Variants in DYNC2H1 observed in about 807,000 individuals in gnomAD.
DYNC2H1 encodes the protein dynein cytoplasmic 2 heavy chain 1, also known as cytoplasmic dynein 2 heavy chain 1.
In DYNC2H1, 410 loss-of-function variants were observed where a neutral mutation model predicts 570.0. The ratio of observed to expected loss-of-function variants is 0.72; its 90% CI spans 0.66 to 0.78. DYNC2H1 has a LOEUF of 0.78. DYNC2H1 is among the 30% of genes least tolerant of loss of function. The pLI is 0.00. For missense variants in DYNC2H1, 4,865 were observed against 5,046.4 expected (o/e 0.96, Z 1.09); for synonymous variants, 1,688 against 1,677.6 (o/e 1.01, Z -0.15).
rs71465387 is a variant in DYNC2H1 at position 103,125,366 on chromosome 11, C to CTT, written c.1857+89_1857+90dup. The CTT allele has an allele frequency of 4.4e-3, 2,420 of 551,792 alleles. 2 individuals carry two copies. The highest frequency in any genetic ancestry group is 6.9e-3 in the South Asian group (206 of 30,020). The allele number at this position is 551,792 out of a possible 1,614,324, so 34.2% of individuals were successfully genotyped here. On this transcript the variant is annotated intron_variant, in intron 12 of 88. Transcript: ENST00000375735. ...ACGTTAAACTAGAATATGCTAAAGG[C>CTT]TTTTTTTTTTTTTTTTTTTAGGCTC...
rs1944166802 is a variant in DYNC2H1, at chr11:103,439,035, G to C, written c.12456+3003G>C. Reference sequence around the variant, plus strand: ...ACTTTCCTGGTGCCAAACACTGTGTGAGGTTGCTGAATATAGAGTGGTAAA... The same window carrying C: ...ACTTTCCTGGTGCCAAACACTGTGTCAGGTTGCTGAATATAGAGTGGTAAA... On this transcript the variant is annotated intron_variant, in intron 85 of 88. Coordinates refer to ENST00000375735, the MANE Select transcript of DYNC2H1 (RefSeq NM_001377.3). This position sits in a 1 kb window ranked among gnomAD's most constrained non-coding sequence, Gnocchi z 4.1. Among the ~76,000 whole-genome samples the C allele has an allele frequency of 6.6e-6, 1 of 152,118 alleles. No individual in the cohort carries two copies. The highest frequency in any genetic ancestry group is 1.5e-5 in the Non-Finnish European group (1 of 67,998).
intron 30 of DYNC2H1, among the ~76,000 whole-genome samples, chr11:103,165,544 A>G (rs746165491): frequency 1.3e-5 from 2 of 152,216 alleles, no homozygotes; most frequent in Non-Finnish European, 2.9e-5. Flanking sequence ...AGAATGCATC[A>G]TACTTTGATA....
chr11:103,419,972 G>C (rs528265089), intron 84 of DYNC2H1, among the ~76,000 whole-genome samples: 1 of 151,946 alleles, frequency 6.6e-6, no homozygotes, highest in Non-Finnish European at 1.5e-5. Flanking sequence ...AACACAACAC[G>C]AGAACTTCAC....
In DYNC2H1 at chr11:103,157,094, G is replaced by A. The variant is rs982761699; in HGVS notation, c.4127+324G>A. On this transcript the variant is annotated intron_variant, in intron 26 of 88. Transcript: ENST00000375735. This position sits in a 1 kb window ranked among gnomAD's most constrained non-coding sequence, Gnocchi z 4.2. Reference sequence around the variant, plus strand: ...TCTCATTAGTATTTAATAGAGTTGAGCATTTCTTCTTTCTTAGAAAGTCTC... The same window carrying A: ...TCTCATTAGTATTTAATAGAGTTGAACATTTCTTCTTTCTTAGAAAGTCTC... Among the ~76,000 whole-genome samples the A allele has an allele frequency of 1.3e-5, 2 of 152,040 alleles. No individual in the cohort carries two copies. The highest frequency in any genetic ancestry group is 1.5e-5 in the Non-Finnish European group (1 of 67,970).
rs1164623440 is a variant in DYNC2H1, at chr11:103,143,533, A to G, written c.2702+138A>G. Reference sequence around the variant, plus strand: ...ATCTCATTTATGACACTTGAGTATCATCTAGGTAGGGCATTACAGATAATA... The same window carrying G: ...ATCTCATTTATGACACTTGAGTATCGTCTAGGTAGGGCATTACAGATAATA... On this transcript the variant is annotated intron_variant, in intron 18 of 88. Transcript: ENST00000375735. The G allele has an allele frequency of 1.1e-5, 9 of 851,128 alleles. No individual in the cohort carries two copies. In the South Asian group the frequency reaches 2.4e-4, roughly 23 times the overall value. 52.7% of individuals were successfully genotyped at this position (851,128 alleles called of 1,614,324 possible).
intron 84 of DYNC2H1, among the ~76,000 whole-genome samples, chr11:103,428,991 T>C (rs1794345335): frequency 6.6e-6 from 1 of 152,140 alleles, no homozygotes; most frequent in African/African-American, 2.4e-5. Flanking sequence ...CTGGGCGCAG[T>C]GGCTCACGCC....
At position 103,235,818 on chromosome 11, in the gene DYNC2H1, G is replaced by A; in HGVS notation, c.9709+5G>A. ...CCAAGTCAGCTGGTCTTGAGAGTTT[G>A]TATTTAGTTATTCCTGATCTTGAGA... On this transcript the variant is annotated splice_donor_5th_base_variant and intron_variant, in intron 62 of 88. Transcript: ENST00000375735. 1 of 1,609,896 alleles carries A rather than the reference G, an allele frequency of 6.2e-7. No individual in the cohort carries two copies. The highest frequency in any genetic ancestry group is 1.1e-5 in the South Asian group (1 of 90,712).
intron 84 of DYNC2H1, among the ~76,000 whole-genome samples, chr11:103,413,047 G>A (rs1185113396): frequency 6.6e-6 from 1 of 152,128 alleles, no homozygotes; most frequent in African/African-American, 2.4e-5. Flanking sequence ...AACTCCCAGT[G>A]TGTTTACTTG....
chr11:103,358,203 G>A, intron 82 of DYNC2H1, 40 bp from the exon 83 acceptor site: 1 of 1,232,922 alleles, frequency 8.1e-7, no homozygotes, highest in Non-Finnish European at 1.1e-6. Flanking sequence ...TTCGGCTGAA[G>A]TTCTTTTTAT....
At chr11:103,360,133 A>G (rs534566132) in intron 83 of DYNC2H1, among the ~76,000 whole-genome samples, 112 of 152,310 alleles carry the variant, frequency 7.4e-4, no homozygotes, top group African/African-American at 2.5e-3. Flanking sequence ...CAGAAGGACA[A>G]ATTATAGAAT....
At chr11:103,171,319 G>C (rs1340196061) in intron 34 of DYNC2H1, among the ~76,000 whole-genome samples, 3 of 151,782 alleles carry the variant, frequency 2.0e-5, no homozygotes, top group East Asian at 1.9e-4. Context: ...GCAGTGGTGT[G>C]ATCTTGGCTC....
chr11:103,139,098 C>G (rs1859746207), intron 17 of DYNC2H1, among the ~76,000 whole-genome samples: 1 of 151,652 alleles, frequency 6.6e-6, no homozygotes, highest in Non-Finnish European at 1.5e-5. Context: ...TTTGATTCTT[C>G]TCTCTTTTTT....
intron 87 of DYNC2H1, among the ~76,000 whole-genome samples, chr11:103,459,287 C>A (rs570905091): frequency 2.3e-4 from 20 of 86,812 alleles, no homozygotes; most frequent in African/African-American, 6.6e-4. Flanking sequence ...CCAGCCTGGG[C>A]GACAGAGCGA....
At chr11:103,290,887 C>G (rs116856026) in intron 75 of DYNC2H1, among the ~76,000 whole-genome samples, 1 of 152,206 alleles carries the variant, frequency 6.6e-6, no homozygotes, top group East Asian at 1.9e-4. Context: ...CTTTTCCTTC[C>G]CAACTTCACC....
intron 83 of DYNC2H1, among the ~76,000 whole-genome samples, chr11:103,378,886 CTATT>C (rs1181839397): frequency 6.6e-6 from 1 of 152,114 alleles, no homozygotes; most frequent in Non-Finnish European, 1.5e-5. Context: ...TTGAAAGTGA[CTATT>C]TCTTTCCTTC....
At chr11:103,349,364 A>C (rs924142689) in intron 82 of DYNC2H1, among the ~76,000 whole-genome samples, 1 of 152,150 alleles carries the variant, frequency 6.6e-6, no homozygotes, top group African/African-American at 2.4e-5. Context: ...TACATGATAT[A>C]GTGCATTTAT....
At chr11:103,400,957 G>C (rs767477337) in intron 84 of DYNC2H1, among the ~76,000 whole-genome samples, 2 of 152,066 alleles carry the variant, frequency 1.3e-5, no homozygotes, top group Non-Finnish European at 2.9e-5. Context: ...CTATAGTTTT[G>C]ATTTGTACCA....
intron 63 of DYNC2H1, among the ~76,000 whole-genome samples, chr11:103,240,140 A>G (rs1864374353): frequency 6.6e-6 from 1 of 152,168 alleles, no homozygotes; most frequent in Non-Finnish European, 1.5e-5. Flanking sequence ...CAAGCTTCTG[A>G]ATTAAAATAA....
Position 103,186,346 on chromosome 11 carries a change from A to T in DYNC2H1, c.6738A>T (p.Pro2246=). ...GRLATYVLKK[P]EDLTADDFSN... is the part of the protein sequence containing the mutation. ...TAGCAACATATGTGCTTAAGAAGCC[A>T]GAAGACTTGACTGCTGATGATTTCA... The change falls in exon 42 of 89, where the codon CCA becomes CCT. Residue 2246 remains proline (P), a synonymous_variant. Transcript: ENST00000375735. This position sits in a 1 kb window ranked among gnomAD's most constrained non-coding sequence, Gnocchi z 4.5. 1 of 1,612,888 alleles carries T rather than the reference A, an allele frequency of 6.2e-7. No individual in the cohort carries two copies.
Sources: allele counts gnomAD v4.1 joint callset (sites outside exome capture counted in the v4.1 genomes callset), GRCh38; gene constraint gnomAD v4.1.1; non-coding constraint Gnocchi (gnomAD v3.1); transcripts MANE v1.5; gene names NCBI Gene and HGNC (gene_info 2026-07-23, HGNC 2026-07-21).